HDAC4: variants seen among roughly 807,000 people sequenced by gnomAD.
HDAC4 encodes histone deacetylase A.
Under a neutral mutation model 135.1 loss-of-function variants are expected in HDAC4, and 16 were observed. That is an observed-to-expected ratio of 0.12 (90% CI 0.08 to 0.18). The LOEUF is 0.18. Ranked by LOEUF, HDAC4 falls within the 10% of genes least tolerant of loss-of-function variation. The probability of loss-of-function intolerance (pLI) is 1.00; values close to 1 mark genes in which losing one functional copy is unlikely to be tolerated. For missense variants in HDAC4, 1,143 were observed against 1,511.8 expected, an observed-to-expected ratio of 0.76 and a Z score of 4.05; for synonymous variants, 685 against 653.4, an observed-to-expected ratio of 1.05 and a Z score of -0.74.
In HDAC4 at chr2:239,082,143, C is replaced by T. The variant is rs1255586117; in HGVS notation, c.2611G>A (p.Asp871Asn). Residue 871 changes from aspartate to asparagine, a missense_variant, in exon 21 of 27, where the codon GAC becomes AAC. Asp to Asn is a conservative substitution (Grantham distance 23). Transcript: ENST00000543185. ...CTGCCTGGGAAGAAGTTCCCATCGT[C>T]GTAGCGGTGGAGGGACATGTACAGG... ...SVLYMSLHRY[D>N]DGNFFPGSGA... is the part of the protein sequence containing the mutation. The T allele has an allele frequency of 2.5e-6, 4 of 1,614,158 alleles. No individual in the cohort carries two copies. The highest frequency in any genetic ancestry group is 3.4e-6 in the Non-Finnish European group (4 of 1,180,028).
At chr2:239,298,355 T>G (rs1217035997) in intron 2 of HDAC4, 1 of 1,198,398 alleles carries the variant, frequency 8.3e-7, no homozygotes, top group Non-Finnish European at 1.1e-6. Context: ...TTCCAGAACC[T>G]GACACACAGT....
intron 12 of HDAC4, among the ~76,000 whole-genome samples, chr2:239,122,405 G>C (rs1254962889): frequency 6.6e-6 from 1 of 152,234 alleles, no homozygotes; most frequent in East Asian, 1.9e-4. Flanking sequence ...CTGAGGCCAA[G>C]TCCGGACGTG....
At position 239,352,215 on chromosome 2, in the gene HDAC4, C is replaced by T. The variant is rs982658283; in HGVS notation, c.22+463G>A. ...TGCTTAGTGCAGCCCCTCACAGAGG[C>T]CCTCAAACACCAGGAGCAACTGTGG... On this transcript the variant is annotated intron_variant, in intron 2 of 26. Coordinates refer to ENST00000543185, the MANE Select transcript of HDAC4 (RefSeq NM_001378414.1). The surrounding 1 kb of genome is among the most constrained non-coding windows in gnomAD (Gnocchi z 4.4). Among the ~76,000 whole-genome samples the T allele has an allele frequency of 1.6e-4, 25 of 152,128 alleles. No homozygotes were observed. The highest frequency in any genetic ancestry group is 1.4e-3 in the Admixed American group (21 of 15,282).
In HDAC4 at chr2:239,052,549, C is replaced by CA. The variant is rs2031018845; in HGVS notation, c.*547_*548insT. 1 of 155,690 alleles carries CA rather than the reference C, an allele frequency of 6.4e-6. No homozygotes were observed. The highest frequency in any genetic ancestry group is 1.4e-5 in the Non-Finnish European group (1 of 69,926). 9.6% of individuals were successfully genotyped at this position (155,690 alleles called of 1,614,324 possible). A position where few individuals can be genotyped will look rare whatever the true frequency, so the allele number is the denominator to read the frequency against. Reference sequence around the variant, plus strand: ...CTGTCCCCCACCCGGGTGCAGACCCCCCGCCGCACACCGCTATGGTTCACA... The same window carrying CA: ...CTGTCCCCCACCCGGGTGCAGACCCCACCGCCGCACACCGCTATGGTTCACA... On this transcript the variant is annotated 3_prime_UTR_variant, in exon 27 of 27. Transcript: ENST00000543185.
At position 239,052,919 on chromosome 2, in the gene HDAC4, G is replaced by A. The variant is rs150293286; in HGVS notation, c.*178C>T. On this transcript the variant is annotated 3_prime_UTR_variant, in exon 27 of 27. Transcript: ENST00000543185. ...CTGCCACGCCCAGGCGTGCATGTGC[G>A]TCTCGAGACCTGTGGGCCTGGGCGG... 4.8e-5 allele frequency: 34 copies of A among 704,090 alleles called. No individual in the cohort carries two copies. In the Middle Eastern group the frequency reaches 7.3e-4, roughly 15 times the overall value. 43.6% of individuals were successfully genotyped at this position (704,090 alleles called of 1,614,324 possible).
chr2:239,197,834 GC>G (rs2045491650), intron 3 of HDAC4, among the ~76,000 whole-genome samples: 1 of 107,774 alleles, frequency 9.3e-6, no homozygotes, highest in Non-Finnish European at 2.0e-5. Context: ...AGTAATGATA[GC>G]TCACTAAAAG....
intron 3 of HDAC4, among the ~76,000 whole-genome samples, chr2:239,208,200 G>T (rs1047611077): frequency 2.6e-4 from 39 of 151,334 alleles, no homozygotes; most frequent in African/African-American, 9.0e-4. Flanking sequence ...GGTCGTGGGT[G>T]CCTGTAGTCC....
chr2:239,356,848 C>T (rs1244057505), intron 1 of HDAC4, among the ~76,000 whole-genome samples: 2 of 151,964 alleles, frequency 1.3e-5, no homozygotes, highest in African/African-American at 2.4e-5. Context: ...GACCTCAGAT[C>T]CCAACATCAC....
chr2:239,180,854 C>T (rs929136187), intron 4 of HDAC4, among the ~76,000 whole-genome samples: 33 of 152,236 alleles, frequency 2.2e-4, no homozygotes, highest in African/African-American at 7.2e-4. Flanking sequence ...TGAGGCTGCC[C>T]CAGCCTCCAG....
At chr2:239,401,321 C>G (rs1696982300), upstream of HDAC4, 1 of 152,894 alleles carries the variant, frequency 6.5e-6, no homozygotes, top group Non-Finnish European at 1.5e-5. Context: ...GGCAGAGAGG[C>G]TCCACCCCTG....
At chr2:239,186,628 C>G (rs2044566518) in intron 4 of HDAC4, 1 of 152,218 alleles carries the variant, frequency 6.6e-6, no homozygotes, top group Non-Finnish European at 1.5e-5. Flanking sequence ...GTGGGCTTTC[C>G]CAGGGACCCC....
intron 1 of HDAC4, among the ~76,000 whole-genome samples, chr2:239,374,694 C>T (rs896418077): frequency 1.2e-4 from 18 of 152,252 alleles, no homozygotes; most frequent in African/African-American, 4.1e-4. Flanking sequence ...TGAGCCACCG[C>T]GCCCGGCCAA....
In HDAC4 at chr2:239,134,259, G is replaced by A. The variant is rs1441808981; in HGVS notation, c.1280C>T (p.Ala427Val). 6.2e-7 allele frequency: 1 copy of A among 1,611,498 alleles called. No homozygotes were observed. The highest frequency in any genetic ancestry group is 8.5e-7 in the Non-Finnish European group (1 of 1,179,922). Residue 427 changes from alanine to valine, a missense_variant, in exon 11 of 27, where the codon GCA (alanine) becomes GTA (valine). Transcript: ENST00000543185. ...TTTGTGCTCACCTGTGACGAGGGGT[G>A]CTTGTGCCGGCGGCTGCTCCAGTAA... ...MVLLEQPPAQAPLVTDWYLSG... is the reference protein window; with the variant it reads ...MVLLEQPPAQVPLVTDWYLSG...
At chr2:239,133,280 G>T (rs1232676648) in intron 11 of HDAC4, among the ~76,000 whole-genome samples, 1 of 152,186 alleles carries the variant, frequency 6.6e-6, no homozygotes, top group Non-Finnish European at 1.5e-5. Flanking sequence ...CACGCATCCT[G>T]CAGCGCAGCC....
At chr2:239,376,849 C>A (rs1005577172) in intron 1 of HDAC4, among the ~76,000 whole-genome samples, 6 of 152,124 alleles carry the variant, frequency 3.9e-5, no homozygotes, top group Non-Finnish European at 5.9e-5. Flanking sequence ...AAGCACAGCA[C>A]AAAATGTTTC....
intron 2 of HDAC4, among the ~76,000 whole-genome samples, chr2:239,251,276 C>T (rs939467115): frequency 2.6e-5 from 4 of 152,196 alleles, no homozygotes; most frequent in African/African-American, 4.8e-5. Context: ...CCACAGCTAG[C>T]GTCGTGGGTG....
intron 19 of HDAC4, 105 bp from the exon 20 acceptor site, chr2:239,084,347 C>T: frequency 1.3e-6 from 1 of 766,250 alleles, no homozygotes; most frequent in Non-Finnish European, 2.3e-6. Context: ...CCTAAGAGGT[C>T]TCTGTGAGTG....
chr2:239,176,392 G>T, intron 5 of HDAC4, 21 bp downstream of exon 5: 1 of 1,607,130 alleles, frequency 6.2e-7, no homozygotes. Flanking sequence ...CCTCTGCCTG[G>T]CCTTCCGTGC....
chr2:239,082,897 C>T (rs1319307054), intron 20 of HDAC4, among the ~76,000 whole-genome samples: 7 of 152,346 alleles, frequency 4.6e-5, no homozygotes, highest in Non-Finnish European at 5.9e-5. Context: ...CCAGGATGGG[C>T]GGGCGAGGGG....
Sources: gnomAD v4.1 joint callset for allele counts (sites outside exome capture counted in the v4.1 genomes callset) on GRCh38, gnomAD v4.1.1 for gene constraint, Gnocchi (gnomAD v3.1) non-coding constraint, MANE v1.5 for transcripts, NCBI Gene and HGNC (gene_info 2026-07-23, HGNC 2026-07-21) for gene names.